Variants in SNTG2 observed in about 807,000 individuals in gnomAD.
SNTG2 encodes gamma-2-syntrophin.
A neutral mutation model predicts 70.9 loss-of-function variants in SNTG2; 74 were observed. The ratio of observed to expected loss-of-function variants is 1.04; its 90% CI spans 0.86 to 1.27. The LOEUF (loss-of-function observed/expected upper bound fraction) is 1.27, where lower values mean the gene tolerates loss of function less well. Among genes scored for constraint, SNTG2 ranks in the 50% most tolerant of loss-of-function variants. SNTG2 has a pLI of 0.00. For missense variants in SNTG2, 717 were observed against 690.7 expected, an observed-to-expected ratio of 1.04 and a Z score of -0.43; for synonymous variants, 278 against 273.8, an observed-to-expected ratio of 1.02 and a Z score of -0.15.
intron 14 of SNTG2, among the ~76,000 whole-genome samples, chr2:1,299,486 C>G (rs890399167): frequency 6.6e-6 from 1 of 152,186 alleles, no homozygotes; most frequent in African/African-American, 2.4e-5. Flanking sequence ...GTCTCCACAC[C>G]TGGCTCTCCT....
At chr2:1,332,658 C>T (rs559099236) in intron 16 of SNTG2, among the ~76,000 whole-genome samples, 189 of 152,144 alleles carry the variant, frequency 1.2e-3, no homozygotes, top group Middle Eastern at 3.4e-3. Context: ...GTTTAACATA[C>T]GTAAGTCAAT....
chr2:1,360,743 C>T (rs1661095047), intron 16 of SNTG2, among the ~76,000 whole-genome samples: 1 of 152,112 alleles, frequency 6.6e-6, no homozygotes. Context: ...CCCCTACATC[C>T]AGCATCATAC....
intron 16 of SNTG2, among the ~76,000 whole-genome samples, chr2:1,340,286 A>G (rs1326273320): frequency 6.6e-6 from 1 of 152,240 alleles, no homozygotes; most frequent in Non-Finnish European, 1.5e-5. Flanking sequence ...GGGTGGGAAG[A>G]GGAGTCTATG....
intron 1 of SNTG2, among the ~76,000 whole-genome samples, chr2:1,078,212 C>T (rs971419829): frequency 5.9e-5 from 9 of 152,132 alleles, no homozygotes; most frequent in Admixed American, 5.9e-4. Context: ...AGAAGCTGGT[C>T]CCCCTGAAGT....
Position 1,147,395 on chromosome 2 carries a change from A to G in SNTG2, c.411+9586A>G, listed in dbSNP as rs1048955542. 3.9e-5 allele frequency among the ~76,000 whole-genome samples: 6 copies of G among 152,338 alleles called. No individual in the cohort carries two copies. The South Asian group carries it at 1.2e-3, about 32-fold the overall frequency. On this transcript the variant is annotated intron_variant, in intron 6 of 16. Transcript: ENST00000308624. Reference sequence around the variant, plus strand: ...CATCTCATCAGCTGCCAGCATAGCCAGAATATAAAGCAGGCAGAAAAATGT... The same window carrying G: ...CATCTCATCAGCTGCCAGCATAGCCGGAATATAAAGCAGGCAGAAAAATGT...
At chr2:1,067,142 A>T in intron 1 of SNTG2, among the ~76,000 whole-genome samples, 1 of 152,222 alleles carries the variant, frequency 6.6e-6, no homozygotes, top group East Asian at 1.9e-4. Context: ...TAGCAAAAAA[A>T]AAAAAAAGTG....
At chr2:1,170,711 T>G (rs574108556) in intron 7 of SNTG2, among the ~76,000 whole-genome samples, 12 of 152,180 alleles carry the variant, frequency 7.9e-5, no homozygotes, top group Non-Finnish European at 4.4e-5. Context: ...TACGGACCCA[T>G]GTACATACCC....
At chr2:1,157,682 T>G (rs1304995207) in intron 6 of SNTG2, among the ~76,000 whole-genome samples, 3 of 152,200 alleles carry the variant, frequency 2.0e-5, no homozygotes, top group Non-Finnish European at 2.9e-5. Context: ...ATGAGTTAAG[T>G]CATTTTCTAT....
chr2:1,234,409 C>T (rs34824005), intron 9 of SNTG2, among the ~76,000 whole-genome samples: 14,554 of 152,232 alleles, frequency 0.096, 777 homozygotes, highest in South Asian at 0.15. Flanking sequence ...ATTTTTATTG[C>T]TTTCTTTGAT....
chr2:1,054,061 T>C (rs1662232644), intron 1 of SNTG2, among the ~76,000 whole-genome samples: 1 of 152,148 alleles, frequency 6.6e-6, no homozygotes, highest in African/African-American at 2.4e-5. Context: ...GCCCTCTAAG[T>C]GCTGCACCAG....
At chr2:1,311,009 G>A (rs1002590103) in intron 15 of SNTG2, among the ~76,000 whole-genome samples, 18 of 152,168 alleles carry the variant, frequency 1.2e-4, no homozygotes, top group Admixed American at 3.3e-4. Context: ...GACAGCGTGC[G>A]TATCCCTCAC....
At chr2:1,076,572 T>C (rs1223274480) in intron 1 of SNTG2, among the ~76,000 whole-genome samples, 2 of 152,248 alleles carry the variant, frequency 1.3e-5, no homozygotes, top group African/African-American at 4.8e-5. Flanking sequence ...TATTCTGTTT[T>C]AGAATAGCCT....
At chr2:1,176,986 A>G (rs1671521145) in intron 8 of SNTG2, among the ~76,000 whole-genome samples, 1 of 152,224 alleles carries the variant, frequency 6.6e-6, no homozygotes, top group Admixed American at 6.5e-5. Context: ...CTGGGTATAT[A>G]CCCAAAGGAA....
At chr2:1,181,509 A>C (rs1447956999) in intron 8 of SNTG2, among the ~76,000 whole-genome samples, 2 of 152,212 alleles carry the variant, frequency 1.3e-5, no homozygotes, top group African/African-American at 2.4e-5. Flanking sequence ...CCTTGTAATC[A>C]CAAGAAACCC....
chr2:1,362,152 C>CGCTGAGCATTTCAGCAGAACTT (rs1558232862), intron 16 of SNTG2, among the ~76,000 whole-genome samples: 3 of 146,826 alleles, frequency 2.0e-5, no homozygotes, highest in Non-Finnish European at 3.0e-5. Context: ...AGGTCACCGA[C>CGCTGAGCATTTCAGCAGAACTT]CCTGAGCATT....
intron 9 of SNTG2, among the ~76,000 whole-genome samples, chr2:1,216,287 G>C (rs1674387940): frequency 6.6e-6 from 1 of 152,106 alleles, no homozygotes; most frequent in African/African-American, 2.4e-5. Flanking sequence ...GTTTTGATTT[G>C]CATTTCTCTG....
chr2:951,078 G>T lies in SNTG2; in HGVS notation c.72+10G>T. On this transcript the variant is annotated intron_variant, in intron 1 of 16. Coordinates refer to ENST00000308624, the MANE Select transcript of SNTG2 (RefSeq NM_018968.4). Reference sequence around the variant, plus strand: ...GCTGGTACCTGCGCGGGTGAGTGCGGCCCCTCAGCGCCCCTTCACCTCCGG... The same window carrying T: ...GCTGGTACCTGCGCGGGTGAGTGCGTCCCCTCAGCGCCCCTTCACCTCCGG... The T allele has an allele frequency of 1.6e-6, 2 of 1,239,086 alleles. No homozygotes were observed. Among genetic ancestry groups the T allele is most frequent in the African/African-American group, 1.6e-5 (1 of 64,416 alleles). The allele number at this position is 1,239,086 out of a possible 1,614,324, so 76.8% of individuals were successfully genotyped here.
chr2:1,041,582 TAGTG>T (rs1460736680), intron 1 of SNTG2, among the ~76,000 whole-genome samples: 2 of 152,154 alleles, frequency 1.3e-5, no homozygotes, highest in Non-Finnish European at 2.9e-5. Flanking sequence ...GTCCTCCTGG[TAGTG>T]AGTGAGTTCT....
chr2:1,173,537 G>A (rs2147885289), intron 8 of SNTG2, among the ~76,000 whole-genome samples: 1 of 152,376 alleles, frequency 6.6e-6, no homozygotes, highest in East Asian at 1.9e-4. Context: ...TTTCTTAACA[G>A]AAAACACCTA....
Sources: allele counts gnomAD v4.1 joint callset (sites outside exome capture counted in the v4.1 genomes callset), GRCh38; gene constraint gnomAD v4.1.1; transcripts MANE v1.5; gene names NCBI Gene and HGNC (gene_info 2026-07-23, HGNC 2026-07-21).